TSPAN3: variants seen among roughly 807,000 people sequenced by gnomAD.
TSPAN3 encodes the protein tetraspanin-3.
In TSPAN3, 9 loss-of-function variants were observed where a neutral mutation model predicts 31.1. That is an observed-to-expected ratio of 0.29 (90% confidence interval 0.17 to 0.50). The LOEUF (loss-of-function observed/expected upper bound fraction) is 0.50, where lower values mean the gene tolerates loss of function less well. Ranked by LOEUF, TSPAN3 falls within the 20% of genes least tolerant of loss-of-function variation. The pLI is 0.98. For missense variants in TSPAN3, 252 were observed against 313.5 expected, an observed-to-expected ratio of 0.80 and a Z score of 1.48; for synonymous variants, 129 against 114.3, an observed-to-expected ratio of 1.13 and a Z score of -0.82.
rs1270761065 is a variant in TSPAN3, at chr15:77,043,407, G to C, written c.*3428C>G. 1 of 152,034 alleles carries C rather than the reference G, an allele frequency of 6.6e-6. No individual in the cohort carries two copies. The highest frequency in any genetic ancestry group is 1.5e-5 in the Non-Finnish European group (1 of 68,024). 9.4% of individuals were successfully genotyped at this position (152,034 alleles called of 1,614,324 possible). On this transcript the variant is annotated 3_prime_UTR_variant, in exon 7 of 7. Transcript: ENST00000267970. The stretch of plus-strand genomic sequence containing the variant: ...TCCTGTTCACATTTCCTCCTCCTTG[G>C]ACTAGATGATCAAAACGAACATCCC...
chr15:77,042,421 G>C lies in TSPAN3; in HGVS notation c.*4414C>G, dbSNP rs1023265813. The C allele has an allele frequency of 6.6e-6, 1 of 152,210 alleles. No individual in the cohort carries two copies. Among genetic ancestry groups the C allele is most frequent in the African/African-American group, 2.4e-5 (1 of 41,446 alleles). The allele number at this position is 152,210 out of a possible 1,614,324, so 9.4% of individuals were successfully genotyped here. ...GACCAGGGCTCCTGGGACAAACACT[G>C]ATCCATGGCTGGTGCCCAGGGGCCT... On this transcript the variant is annotated 3_prime_UTR_variant, in exon 7 of 7. Transcript: ENST00000267970.
Position 77,042,084 on chromosome 15 carries a change from C to G in TSPAN3, c.*4751G>C, listed in dbSNP as rs1372142750. 6.6e-6 allele frequency: 1 copy of G among 152,148 alleles called. No homozygotes were observed. Among genetic ancestry groups the G allele is most frequent in the Non-Finnish European group, 1.5e-5 (1 of 68,036 alleles). The allele number at this position is 152,148 out of a possible 1,614,324, so 9.4% of individuals were successfully genotyped here. A position where few individuals can be genotyped will look rare whatever the true frequency, so the allele number is the denominator to read the frequency against. ...AGTTAGACATGGAAGGAGCATCAGA[C>G]TATGTTGTGAAGACAGAAAGAGGAT... is the stretch of plus-strand genomic sequence containing the variant. On this transcript the variant is annotated 3_prime_UTR_variant, in exon 7 of 7. Transcript: ENST00000267970.
rs377247337 is a variant in TSPAN3 at position 77,047,154 on chromosome 15, G to A, written c.670-227C>T. ...AGGAACTCTTCGTAAAGCCAGCAGGGAATCAAGTCTCTCTTATTTGGCATC... is the reference window on the plus strand; with the variant it reads ...AGGAACTCTTCGTAAAGCCAGCAGGAAATCAAGTCTCTCTTATTTGGCATC... On this transcript the variant is annotated intron_variant, in intron 6 of 6. Coordinates refer to ENST00000267970, the MANE Select transcript of TSPAN3 (RefSeq NM_005724.6). Among the ~76,000 whole-genome samples the A allele has an allele frequency of 6.0e-4, 91 of 152,278 alleles. No homozygotes were observed. In the East Asian group the frequency reaches 0.017, roughly 28 times the overall value.
At chr15:77,056,988 G>A (rs1168637486) in intron 1 of TSPAN3, among the ~76,000 whole-genome samples, 1 of 152,220 alleles carries the variant, frequency 6.6e-6, no homozygotes. Flanking sequence ...TGATGCTGGT[G>A]CAGCTTCTTC....
At chr15:77,053,217 C>T (rs1006072712) in intron 4 of TSPAN3, among the ~76,000 whole-genome samples, 1 of 151,660 alleles carries the variant, frequency 6.6e-6, no homozygotes, top group Non-Finnish European at 1.5e-5. Context: ...ATTGCCAGGC[C>T]GGGTGCAGTG....
intron 1 of TSPAN3, among the ~76,000 whole-genome samples, chr15:77,057,906 C>A (rs1362923059): frequency 6.6e-6 from 1 of 152,196 alleles, no homozygotes; most frequent in Admixed American, 6.5e-5. Flanking sequence ...CAAACCCTTT[C>A]TGCCTTCCTG....
intron 1 of TSPAN3, chr15:77,064,004 G>C (rs764621990): frequency 2.0e-5 from 3 of 152,116 alleles, no homozygotes; most frequent in African/African-American, 4.8e-5. Flanking sequence ...TCCACACTTG[G>C]GTTATGTGTT....
chr15:77,067,309 C>T (rs1047779559), intron 1 of TSPAN3, among the ~76,000 whole-genome samples: 2 of 152,202 alleles, frequency 1.3e-5, no homozygotes, highest in Non-Finnish European at 2.9e-5. Context: ...TCCAAACTAT[C>T]TACACCAAAT....
chr15:77,070,130 C>T (rs540551820), intron 1 of TSPAN3: 44 of 152,312 alleles, frequency 2.9e-4, no homozygotes, highest in African/African-American at 1.0e-3. Context: ...AGGACCCAAA[C>T]TAAGATGACA....
At chr15:77,065,654 C>G (rs954639449) in intron 1 of TSPAN3, among the ~76,000 whole-genome samples, 5 of 152,130 alleles carry the variant, frequency 3.3e-5, no homozygotes, top group African/African-American at 1.2e-4. Context: ...TGATCTGCCA[C>G]CCTTGGCGTC....
chr15:77,054,401 TAA>T lies in TSPAN3; in HGVS notation c.331-124_331-123del, dbSNP rs1051237558. On this transcript the variant is annotated intron_variant, in intron 3 of 6. Coordinates refer to ENST00000267970, the MANE Select transcript of TSPAN3 (RefSeq NM_005724.6). The stretch of plus-strand genomic sequence containing the variant: ...TTGCCAGATATCTATGAATTTCCTG[TAA>T]AGTTTTCTCCCTTCCTGCCTTCATC... The T allele has an allele frequency of 1.9e-5, 13 of 667,402 alleles. No homozygotes were observed. In the African/African-American group the frequency reaches 2.2e-4, roughly 11 times the overall value. 41.3% of individuals were successfully genotyped at this position (667,402 alleles called of 1,614,324 possible). A position where few individuals can be genotyped will look rare whatever the true frequency, so the allele number is the denominator to read the frequency against.
At chr15:77,060,162 T>C (rs766537728) in intron 1 of TSPAN3, among the ~76,000 whole-genome samples, 2 of 152,128 alleles carry the variant, frequency 1.3e-5, no homozygotes, top group African/African-American at 4.8e-5. Flanking sequence ...AAAGCTCTAT[T>C]TGGCAACATA....
At chr15:77,061,844 A>G (rs1048316503) in intron 1 of TSPAN3, among the ~76,000 whole-genome samples, 43 of 152,356 alleles carry the variant, frequency 2.8e-4, no homozygotes, top group African/African-American at 9.9e-4. Flanking sequence ...TGTAAAGACA[A>G]GGCACCATCT....
rs145523728 is a variant in TSPAN3 at position 77,049,181 on chromosome 15, A to G, written c.670-2254T>C. Among the ~76,000 whole-genome samples the G allele has an allele frequency of 5.3e-4, 80 of 152,272 alleles. No individual in the cohort carries two copies. The East Asian group carries it at 0.013, about 25-fold the overall frequency. On this transcript the variant is annotated intron_variant, in intron 6 of 6. Transcript: ENST00000267970. ...GAATTCATTTATATAACATTTTGCA[A>G]TGTTGGCCAGGGTGTGAGGGGAAGG... is the stretch of plus-strand genomic sequence containing the variant.
At chr15:77,054,065 G>C in intron 4 of TSPAN3, 113 bp downstream of exon 4, 1 of 733,808 alleles carries the variant, frequency 1.4e-6, no homozygotes, top group Non-Finnish European at 2.4e-6. Flanking sequence ...GTCACATCAG[G>C]ATAGCCATGT....
chr15:77,044,592 C>T lies in TSPAN3; in HGVS notation c.*2243G>A, dbSNP rs780201695. On this transcript the variant is annotated 3_prime_UTR_variant, in exon 7 of 7. Transcript: ENST00000267970. ...GCCAGTCTGGGTCCAGCTGGCAGAGCACACGGGAGGAGGCTGCTCTCTCAC... is the reference window on the plus strand; with the variant it reads ...GCCAGTCTGGGTCCAGCTGGCAGAGTACACGGGAGGAGGCTGCTCTCTCAC... 1 of 152,234 alleles carries T rather than the reference C, an allele frequency of 6.6e-6. No homozygotes were observed. Among genetic ancestry groups the T allele is most frequent in the Non-Finnish European group, 1.5e-5 (1 of 68,102 alleles). The allele number at this position is 152,234 out of a possible 1,614,324, so 9.4% of individuals were successfully genotyped here. A position where few individuals can be genotyped will look rare whatever the true frequency, so the allele number is the denominator to read the frequency against.
chr15:77,066,726 T>C (rs1430556669), intron 1 of TSPAN3, among the ~76,000 whole-genome samples: 1 of 152,082 alleles, frequency 6.6e-6, no homozygotes, highest in Non-Finnish European at 1.5e-5. Context: ...TCCAAGATGA[T>C]CCAAGCTGTA....
rs576932800 is a variant in TSPAN3, at chr15:77,067,194, T to TA, written c.63+3697dup. Among the ~76,000 whole-genome samples, 238 of 152,284 alleles carry TA rather than the reference T, an allele frequency of 1.6e-3. 1 individual carries two copies. Among genetic ancestry groups the TA allele is most frequent in the Non-Finnish European group, 2.9e-3 (198 of 68,016 alleles). ...TTATAAAGGACAAACATTCTAACCA[T>TA]AGCAGGAGTTCCCTATTTCCATTAA... On this transcript the variant is annotated intron_variant, in intron 1 of 6. Transcript: ENST00000267970.
intron 3 of TSPAN3, 118 bp downstream of exon 3, chr15:77,055,671 G>T: frequency 1.3e-6 from 1 of 782,440 alleles, no homozygotes; most frequent in Non-Finnish European, 2.0e-6. Context: ...TTGAAATACA[G>T]ATTAAACAAG....
Sources: allele counts gnomAD v4.1 joint callset (sites outside exome capture counted in the v4.1 genomes callset), GRCh38; gene constraint gnomAD v4.1.1; transcripts MANE v1.5; gene names NCBI Gene and HGNC (gene_info 2026-07-23, HGNC 2026-07-21).